ALG13: variants seen among roughly 807,000 people sequenced by gnomAD.
ALG13 encodes the protein ALG13 UDP-N-acetylglucosaminyltransferase subunit.
ALG13 carries 11 observed loss-of-function variants against 87.8 expected under a neutral mutation model. That is an observed-to-expected ratio of 0.13 (90% CI 0.08 to 0.21). The LOEUF (loss-of-function observed/expected upper bound fraction) is 0.21, where lower values mean the gene tolerates loss of function less well. ALG13 is among the 10% of genes least tolerant of loss of function. The pLI, the probability that ALG13 is intolerant of heterozygous loss-of-function variation, is 1.00. For synonymous variants in ALG13, 320 were observed against 306.3 expected (o/e 1.04, Z -0.47); for missense variants, 756 against 866.1 (o/e 0.87, Z 1.60).
Position 111,733,116 on chromosome X carries a change from T to TA in ALG13, c.2458-1926dup, listed in dbSNP as rs954990052. Reference sequence around the variant, plus strand: ...TGTCTTCAGAATTATCAGCATACATTAAAAAAAAACTCTTTGTCTTTAATT... The same window carrying TA: ...TGTCTTCAGAATTATCAGCATACATTAAAAAAAAAACTCTTTGTCTTTAATT... On this transcript the variant is annotated intron_variant, in intron 21 of 26. Transcript: ENST00000394780. Among the ~76,000 whole-genome samples the TA allele has an allele frequency of 5.2e-3, 571 of 110,232 alleles. 1 individual carries two copies. Among genetic ancestry groups the TA allele is most frequent in the African/African-American group, 0.014 (433 of 30,415 alleles).
intron 24 of ALG13, among the ~76,000 whole-genome samples, chrX:111,746,608 TACAAAAAAAGCTGCTA>T (rs796128859): frequency 6.3e-5 from 7 of 111,996 alleles, no homozygotes; most frequent in Admixed American, 3.8e-4. Flanking sequence ...TTGGGGCTGT[TACAAAAAAAGCTGCTA>T]ACAAAAAAAG....
intron 22 of ALG13, 26 bp from the exon 23 acceptor site, chrX:111,736,688 T>G: frequency 8.4e-7 from 1 of 1,193,091 alleles, no homozygotes. Flanking sequence ...AACTTAAGAG[T>G]TTTGAACTTT....
intron 3 of ALG13, among the ~76,000 whole-genome samples, chrX:111,707,094 C>A (rs1343609372): frequency 2.7e-5 from 3 of 111,396 alleles, no homozygotes; most frequent in South Asian, 3.7e-4. Flanking sequence ...ATAATAGGAA[C>A]AAATAAAACA....
rs201177162 is a variant in ALG13 at position 111,681,204 on chromosome X, T to G, written c.-15T>G. On this transcript the variant is annotated 5_prime_UTR_variant, in exon 1 of 27. Coordinates refer to ENST00000394780, the MANE Select transcript of ALG13 (RefSeq NM_001099922.3). The stretch of plus-strand genomic sequence containing the variant: ...ATATCCGGCCCTTGCGATCAGGGCT[T>G]GAGGAACCCGCGCCATGAAGTGCGT... 3 of 1,208,030 alleles carry G rather than the reference T, an allele frequency of 2.5e-6. No individual in the cohort carries two copies. Among genetic ancestry groups the G allele is most frequent in the East Asian group, 5.9e-5 (2 of 33,692 alleles).
chrX:111,731,391 T>C (rs1716650880), intron 21 of ALG13, among the ~76,000 whole-genome samples: 2 of 112,153 alleles, frequency 1.8e-5, no homozygotes, highest in African/African-American at 3.2e-5. Context: ...AAAACAGTTA[T>C]TGGCCTGTAG....
chrX:111,681,574 G>C (rs1316516230), intron 1 of ALG13: 2 of 952,303 alleles, frequency 2.1e-6, no homozygotes, highest in East Asian at 8.6e-5. Flanking sequence ...CTGCCCCCGC[G>C]CTCTATTCTC....
chrX:111,735,457 G>C, intron 22 of ALG13, among the ~76,000 whole-genome samples: 1 of 111,437 alleles, frequency 9.0e-6, no homozygotes, highest in Non-Finnish European at 1.9e-5. Context: ...AGAATGGAGA[G>C]TCAGCATTAT....
chrX:111,734,242 A>T (rs1385886245), intron 21 of ALG13: 1 of 112,681 alleles, frequency 8.9e-6, no homozygotes. Flanking sequence ...AAGCCTTCTA[A>T]GAAATCATGA....
At chrX:111,689,745 G>A in intron 3 of ALG13, 1 of 733,422 alleles carries the variant, frequency 1.4e-6, no homozygotes. Context: ...GCAGCTCCTT[G>A]ATTCCCAGTC....
intron 1 of ALG13, 33 bp from the exon 2 acceptor site, chrX:111,682,099 A>T (rs1351315386): frequency 8.8e-7 from 1 of 1,135,924 alleles, no homozygotes; most frequent in Non-Finnish European, 1.2e-6. Flanking sequence ...TAGCCAGTTT[A>T]AAAGGCCCTC....
rs1934265648 is a variant in ALG13, at chrX:111,684,012, C to T, written c.245-953C>T. Among the ~76,000 whole-genome samples the T allele has an allele frequency of 3.6e-5, 4 of 111,932 alleles. No individual in the cohort carries two copies. In the Admixed American group the frequency reaches 3.8e-4, roughly 11 times the overall value. On this transcript the variant is annotated intron_variant, in intron 2 of 26. Coordinates refer to ENST00000394780, the MANE Select transcript of ALG13 (RefSeq NM_001099922.3). ...CCAAAGCATACTCCAGATGGCCCAT[C>T]GTACAATGGTTTCACTTAGAGTTTT...
intron 24 of ALG13, among the ~76,000 whole-genome samples, chrX:111,748,478 G>C (rs185297742): frequency 2.7e-5 from 3 of 111,860 alleles, no homozygotes; most frequent in Non-Finnish European, 5.6e-5. Flanking sequence ...TAAAGTGTGT[G>C]TAGATTCATA....
intron 3 of ALG13, among the ~76,000 whole-genome samples, chrX:111,700,038 G>GTTT (rs779900750): frequency 6.3e-5 from 5 of 78,757 alleles, no homozygotes; most frequent in African/African-American, 2.4e-4. Context: ...TTATTTGTGG[G>GTTT]TTTTTTTTTT....
intron 3 of ALG13, among the ~76,000 whole-genome samples, chrX:111,705,406 T>C (rs1299558169): frequency 8.9e-6 from 1 of 111,841 alleles, no homozygotes; most frequent in African/African-American, 3.2e-5. Context: ...GATGTAAAAA[T>C]ATTTTATTCC....
chrX:111,759,703 T>C, intron 26 of ALG13, 31 bp from the exon 27 acceptor site: 1 of 1,156,869 alleles, frequency 8.6e-7, no homozygotes. Context: ...TTTTTGTATA[T>C]AAAGTAGACT....
chrX:111,745,919 T>C (rs1447083492), intron 24 of ALG13, among the ~76,000 whole-genome samples: 1 of 111,600 alleles, frequency 9.0e-6, no homozygotes, highest in Non-Finnish European at 1.9e-5. Flanking sequence ...CACATAATGC[T>C]GATTTTGTAT....
At chrX:111,688,217 T>C in intron 3 of ALG13, 2 of 787,622 alleles carry the variant, frequency 2.5e-6, no homozygotes, top group Non-Finnish European at 3.0e-6. Context: ...TTTCTAATCT[T>C]CAGTATGTAG....
chrX:111,694,003 A>C (rs1029543352), intron 3 of ALG13, among the ~76,000 whole-genome samples: 3 of 111,170 alleles, frequency 2.7e-5, no homozygotes, highest in Non-Finnish European at 5.7e-5. Flanking sequence ...ATTACATTTA[A>C]ATTTAGTAAT....
intron 14 of ALG13, 90 bp from the exon 15 acceptor site, chrX:111,724,844 C>A: frequency 1.0e-6 from 1 of 962,891 alleles, no homozygotes; most frequent in Non-Finnish European, 1.4e-6. Flanking sequence ...TAATAGAATA[C>A]ACTTGAAGTA....
Sources: allele counts gnomAD v4.1 joint callset (sites outside exome capture counted in the v4.1 genomes callset), GRCh38; gene constraint gnomAD v4.1.1; transcripts MANE v1.5; gene names NCBI Gene and HGNC (gene_info 2026-07-23, HGNC 2026-07-21).